Variants in MGAT4D observed in about 807,000 individuals in gnomAD.
MGAT4D encodes MGAT4 family member D, also known as alpha-1,3-mannosyl-glycoprotein 4-beta-N-acetylglucosaminyltransferase-like protein MGAT4D.
A neutral mutation model predicts 15.9 loss-of-function variants in MGAT4D; 34 were observed. The ratio of observed to expected loss-of-function variants is 2.14; its 90% confidence interval spans 1.62 to 2.84. The LOEUF (loss-of-function observed/expected upper bound fraction) is 2.84. MGAT4D is among the 30% of genes most tolerant of loss of function. The probability of loss-of-function intolerance (pLI) is 0.00; values close to 1 mark genes in which losing one functional copy is unlikely to be tolerated. For missense variants in MGAT4D, 327 were observed against 140.2 expected (o/e 2.33, Z -6.73); for synonymous variants, 112 against 48.2 (o/e 2.33, Z -5.49).
At chr4:140,465,067 T>A (rs1488230189) in intron 5 of MGAT4D, 58 bp from the exon 6 acceptor site, 14 of 641,596 alleles carry the variant, frequency 2.2e-5, no homozygotes, top group Non-Finnish European at 3.9e-5. Flanking sequence ...CAGAATAACA[T>A]AAATACTTAA....
intron 8 of MGAT4D, chr4:140,456,970 A>T: frequency 4.8e-6 from 1 of 207,664 alleles, no homozygotes; most frequent in Non-Finnish European, 9.5e-6. Context: ...CAATTGTGAT[A>T]ACTCATGAGG....
chr4:140,460,923 A>G (rs147868066), intron 7 of MGAT4D, among the ~76,000 whole-genome samples: 1 of 152,330 alleles, frequency 6.6e-6, no homozygotes, highest in East Asian at 1.9e-4. Context: ...GCCACGTTCT[A>G]TCTCCAGATA....
chr4:140,496,606 G>A (rs1470022167), intron 1 of MGAT4D, among the ~76,000 whole-genome samples: 1 of 152,090 alleles, frequency 6.6e-6, no homozygotes, highest in Non-Finnish European at 1.5e-5. Flanking sequence ...ACTTTGGGAG[G>A]CCTAGGTGGG....
At chr4:140,456,242 T>C (rs1322351516) in intron 9 of MGAT4D, among the ~76,000 whole-genome samples, 1 of 152,236 alleles carries the variant, frequency 6.6e-6, no homozygotes, top group African/African-American at 2.4e-5. Context: ...GAACTGAGTA[T>C]TGACTTCAGT....
At chr4:140,473,093 C>T (rs1419375846) in intron 4 of MGAT4D, among the ~76,000 whole-genome samples, 1 of 151,862 alleles carries the variant, frequency 6.6e-6, no homozygotes, top group South Asian at 2.1e-4. Flanking sequence ...CCAAAGTTTG[C>T]TCATTTTCTT....
intron 1 of MGAT4D, among the ~76,000 whole-genome samples, chr4:140,483,256 T>A (rs1732864200): frequency 6.6e-6 from 1 of 152,082 alleles, no homozygotes; most frequent in African/African-American, 2.4e-5. Flanking sequence ...AGGAAAGAAA[T>A]CAGTCAAACC....
At chr4:140,447,218 T>C (rs564281035) in intron 10 of MGAT4D, among the ~76,000 whole-genome samples, 2 of 152,216 alleles carry the variant, frequency 1.3e-5, no homozygotes, top group East Asian at 3.9e-4. Flanking sequence ...GTATATATTA[T>C]GTTCATTTGG....
intron 5 of MGAT4D, among the ~76,000 whole-genome samples, chr4:140,467,162 G>T (rs1731591094): frequency 6.6e-6 from 1 of 151,818 alleles, no homozygotes; most frequent in African/African-American, 2.4e-5. Flanking sequence ...CTTACTGGCT[G>T]CCCTCTGATT....
chr4:140,462,150 T>G (rs889964523), intron 6 of MGAT4D, 146 bp from the exon 7 acceptor site: 58 of 552,536 alleles, frequency 1.0e-4, no homozygotes, highest in Non-Finnish European at 1.4e-4. Flanking sequence ...TAATTTCAAT[T>G]AAGTAAAATT....
intron 10 of MGAT4D, chr4:140,450,131 T>A: frequency 2.8e-6 from 1 of 355,608 alleles, no homozygotes; most frequent in Non-Finnish European, 5.1e-6. Flanking sequence ...CTGTTAAAAA[T>A]TTAACAAATA....
chr4:140,480,522 C>T (rs974582354), intron 2 of MGAT4D, among the ~76,000 whole-genome samples: 5 of 151,832 alleles, frequency 3.3e-5, no homozygotes, highest in Admixed American at 6.6e-5. Context: ...AAATGCTTGC[C>T]CCCTGAAAGC....
At chr4:140,443,819 GTAATT>G (rs1729921496) in intron 10 of MGAT4D, among the ~76,000 whole-genome samples, 1 of 152,058 alleles carries the variant, frequency 6.6e-6, no homozygotes, top group African/African-American at 2.4e-5. Context: ...AAGGTTTAGG[GTAATT>G]TAAAGTGAAA....
chr4:140,469,822 A>T (rs1731796747), intron 5 of MGAT4D, among the ~76,000 whole-genome samples: 1 of 152,172 alleles, frequency 6.6e-6, no homozygotes, highest in Admixed American at 6.5e-5. Flanking sequence ...CCATCGCCAG[A>T]CTTTCAGCGA....
chr4:140,477,521 G>T (rs1372478017), intron 3 of MGAT4D, among the ~76,000 whole-genome samples: 1 of 152,212 alleles, frequency 6.6e-6, no homozygotes, highest in Non-Finnish European at 1.5e-5. Flanking sequence ...GTTATGGTTT[G>T]CCAGAGGAGG....
intron 10 of MGAT4D, among the ~76,000 whole-genome samples, chr4:140,450,361 A>G (rs1242458958): frequency 6.6e-6 from 1 of 152,210 alleles, no homozygotes; most frequent in African/African-American, 2.4e-5. Context: ...TAGCATCAAA[A>G]AAGAGAATGG....
intron 4 of MGAT4D, among the ~76,000 whole-genome samples, chr4:140,474,190 A>G (rs1364029617): frequency 2.0e-5 from 3 of 152,154 alleles, no homozygotes; most frequent in Admixed American, 1.3e-4. Flanking sequence ...AACAGTGGAA[A>G]TCTTTGGGGT....
In MGAT4D at chr4:140,482,464, C is replaced by T; in HGVS notation, c.116G>A (p.Arg39Lys). ...TQTNNQLINCRNHILEFKENM... is the reference protein window; with the variant it reads ...TQTNNQLINCKNHILEFKENM... ...TTCTTTAAACTCCAAAATATGGTTTCTACAGTTAATTAATTGATTATCTGC... is the reference window on the plus strand; with the variant it reads ...TTCTTTAAACTCCAAAATATGGTTTTTACAGTTAATTAATTGATTATCTGC... Residue 39 changes from arginine to lysine, a missense_variant, in exon 2 of 11, where the codon AGA becomes AAA. Coordinates refer to ENST00000511113, the MANE Select transcript of MGAT4D (RefSeq NM_001277353.2). The T allele has an allele frequency of 6.3e-6, 4 of 634,502 alleles. No individual in the cohort carries two copies. Among genetic ancestry groups the T allele is most frequent in the South Asian group, 3.6e-5 (2 of 55,570 alleles). The allele number at this position is 634,502 out of a possible 1,614,324, so 39.3% of individuals were successfully genotyped here.
At chr4:140,476,448 G>C (rs1165867373) in intron 3 of MGAT4D, among the ~76,000 whole-genome samples, 2 of 152,074 alleles carry the variant, frequency 1.3e-5, no homozygotes, top group African/African-American at 2.4e-5. Flanking sequence ...TTTTCTAATA[G>C]TTTATTGTTT....
rs1192944159 is a variant in MGAT4D at position 140,487,927 on chromosome 4, C to G, written c.95-5442G>C. 2.0e-5 allele frequency among the ~76,000 whole-genome samples: 3 copies of G among 152,156 alleles called. 1 individual carries two copies. The highest frequency in any genetic ancestry group is 7.2e-5 in the African/African-American group (3 of 41,438). On this transcript the variant is annotated intron_variant, in intron 1 of 10. Transcript: ENST00000511113. ...GAAATGCAGTATCTCAGGCCTCACCCCAGACTTCAGATGCAGACAATCAGA... is the reference window on the plus strand; with the variant it reads ...GAAATGCAGTATCTCAGGCCTCACCGCAGACTTCAGATGCAGACAATCAGA...
Sources: gnomAD v4.1 joint callset for allele counts (sites outside exome capture counted in the v4.1 genomes callset) on GRCh38, gnomAD v4.1.1 for gene constraint, MANE v1.5 for transcripts, NCBI Gene and HGNC (gene_info 2026-07-23, HGNC 2026-07-21) for gene names.